The following GRAMD1B variants were observed in gnomAD, a reference collection of about 807,000 sequenced individuals.
GRAMD1B encodes the protein protein Aster-B.
Under a neutral mutation model 99.7 loss-of-function variants are expected in GRAMD1B, and 37 were observed. The observed-to-expected ratio is 0.37, with a 90% CI of 0.29 to 0.49. The LOEUF (loss-of-function observed/expected upper bound fraction) is 0.49. Among genes scored for constraint, GRAMD1B ranks in the 20% least tolerant of loss-of-function variants. The pLI, the probability that GRAMD1B is intolerant of heterozygous loss-of-function variation, is 0.98. For synonymous variants in GRAMD1B, 427 were observed against 387.6 expected (o/e 1.10, Z -1.19); for missense variants, 888 against 1,009.2 (o/e 0.88, Z 1.63).
intron 6 of GRAMD1B, 85 bp from the exon 7 acceptor site, chr11:123,595,857 C>A: frequency 1.4e-6 from 1 of 699,048 alleles, no homozygotes; most frequent in South Asian, 1.7e-5. Flanking sequence ...CCTCTGTCTA[C>A]ACTGGCGCCC....
intron 9 of GRAMD1B, among the ~76,000 whole-genome samples, chr11:123,604,496 A>G (rs1238706914): frequency 6.6e-6 from 1 of 152,216 alleles, no homozygotes; most frequent in Middle Eastern, 3.2e-3. Flanking sequence ...ACTGGCACAA[A>G]GCATGCTTGA....
intron 7 of GRAMD1B, 109 bp from the exon 8 acceptor site, chr11:123,600,359 G>C: frequency 2.9e-6 from 2 of 681,114 alleles, no homozygotes. Flanking sequence ...AGAGTCATTA[G>C]TGTTTGAGGA....
chr11:123,622,692 A>T lies in GRAMD1B; in HGVS notation c.*97A>T. 1 of 286,844 alleles carries T rather than the reference A, an allele frequency of 3.5e-6. No individual in the cohort carries two copies. The highest frequency in any genetic ancestry group is 7.6e-5 in the East Asian group (1 of 13,154). 17.8% of individuals were successfully genotyped at this position (286,844 alleles called of 1,614,324 possible). On this transcript the variant is annotated 3_prime_UTR_variant, in exon 20 of 20. Transcript: ENST00000635736. ...TAAATATATATATATACAGAATATA[A>T]ATATATATATTATATACAGATTTTA...
At chr11:123,516,961 C>T (rs1350417736) in intron 2 of GRAMD1B, among the ~76,000 whole-genome samples, 2 of 152,156 alleles carry the variant, frequency 1.3e-5, no homozygotes. Context: ...GCTCTGTCAC[C>T]CAGGCTGGAG....
chr11:123,442,480 T>A (rs1008638400), intron 1 of GRAMD1B, among the ~76,000 whole-genome samples: 1 of 152,054 alleles, frequency 6.6e-6, no homozygotes, highest in African/African-American at 2.4e-5. Context: ...ATTAAGAAAG[T>A]AAAGGAAGGC....
intron 2 of GRAMD1B, among the ~76,000 whole-genome samples, chr11:123,524,889 G>A (rs1942550278): frequency 6.6e-6 from 1 of 152,200 alleles, no homozygotes; most frequent in Non-Finnish European, 1.5e-5. Context: ...GTAATGTAGG[G>A]AAAGATAGAA....
intron 2 of GRAMD1B, among the ~76,000 whole-genome samples, chr11:123,513,358 C>G (rs1006727967): frequency 1.3e-5 from 2 of 151,998 alleles, no homozygotes; most frequent in African/African-American, 2.4e-5. Flanking sequence ...TTCTATTAGT[C>G]CACTGCATTG....
rs115344793 is a variant in GRAMD1B at position 123,594,328 on chromosome 11, C to G, written c.769+162C>G. Among the ~76,000 whole-genome samples the G allele has an allele frequency of 4.1e-3, 628 of 152,290 alleles. 4 individuals carry two copies. Among genetic ancestry groups the G allele is most frequent in the South Asian group, 0.014 (68 of 4,824 alleles). ...TGGCCCCAGCTGTCAGGGCTCGAGG[C>G]TGAGTATCAGGCTTGTGGCAGCCTC... On this transcript the variant is annotated intron_variant, in intron 5 of 19. Coordinates refer to ENST00000635736, the MANE Select transcript of GRAMD1B (RefSeq NM_001387025.1).
intron 2 of GRAMD1B, among the ~76,000 whole-genome samples, chr11:123,514,453 A>G (rs769017920): frequency 6.6e-5 from 10 of 152,172 alleles, no homozygotes; most frequent in Non-Finnish European, 1.0e-4. Flanking sequence ...TGGGATTGTC[A>G]TGAGGATTAA....
At chr11:123,428,915 G>A (rs75347948), upstream of GRAMD1B, among the ~76,000 whole-genome samples, 1,237 of 152,270 alleles carry the variant, frequency 8.1e-3, 18 homozygotes, top group African/African-American at 0.028. Context: ...GACCAGGCTG[G>A]GCATGGTGGC....
At chr11:123,552,628 A>C (rs1217623462) in intron 2 of GRAMD1B, among the ~76,000 whole-genome samples, 1 of 152,210 alleles carries the variant, frequency 6.6e-6, no homozygotes, top group East Asian at 1.9e-4. Flanking sequence ...TTAAAACCCA[A>C]AGATCAAAGG....
At chr11:123,530,236 AT>A (rs1398762108) in intron 2 of GRAMD1B, among the ~76,000 whole-genome samples, 1 of 149,648 alleles carries the variant, frequency 6.7e-6, no homozygotes, top group Non-Finnish European at 1.5e-5. Context: ...TTTCATGACC[AT>A]TAATGGTCAA....
intron 1 of GRAMD1B, among the ~76,000 whole-genome samples, chr11:123,359,503 C>T (rs1946067119): frequency 6.6e-6 from 1 of 152,024 alleles, no homozygotes; most frequent in Non-Finnish European, 1.5e-5. Flanking sequence ...AACTTGTTTG[C>T]ACCCATCAGC....
chr11:123,397,335 G>T lies in GRAMD1B; in HGVS notation c.-176+38536G>T, dbSNP rs986004285. Among the ~76,000 whole-genome samples the T allele has an allele frequency of 2.0e-5, 3 of 152,146 alleles. No homozygotes were observed. In the South Asian group the frequency reaches 6.2e-4, roughly 32 times the overall value. On this transcript the variant is annotated intron_variant, in intron 1 of 20. Transcript: ENST00000638157. ...AGGCAAGAGAATTGCTTGAACCCGG[G>T]AGTTTGCAGTGCAGTGAGCTGAGAT... is the stretch of plus-strand genomic sequence containing the variant.
chr11:123,541,827 CT>C (rs936408683), intron 2 of GRAMD1B, among the ~76,000 whole-genome samples: 4 of 151,934 alleles, frequency 2.6e-5, no homozygotes, highest in South Asian at 2.1e-4. Flanking sequence ...TATCCTATGC[CT>C]TTTTTTTGAG....
intron 1 of GRAMD1B, among the ~76,000 whole-genome samples, chr11:123,397,568 A>G (rs1947510743): frequency 6.6e-6 from 1 of 152,116 alleles, no homozygotes; most frequent in Admixed American, 6.5e-5. Context: ...CAGAGGTACA[A>G]TCATGGCTCA....
chr11:123,627,131 C>T lies in GRAMD1B; in HGVS notation c.*4536C>T, dbSNP rs1376389258. 6.6e-6 allele frequency: 1 copy of T among 152,290 alleles called. No homozygotes were observed. 9.4% of individuals were successfully genotyped at this position (152,290 alleles called of 1,614,324 possible). ...GCCAGGAGGAGCTGATGCTGACGAT[C>T]TCCCCAACATCTGAAGGCTTAAAGA... On this transcript the variant is annotated 3_prime_UTR_variant, in exon 20 of 20. Transcript: ENST00000635736.
chr11:123,566,150 T>C (rs1947346089), intron 2 of GRAMD1B, among the ~76,000 whole-genome samples: 1 of 152,148 alleles, frequency 6.6e-6, no homozygotes, highest in Admixed American at 6.5e-5. Context: ...TCTAATTAGG[T>C]TTATTCTTTA....
chr11:123,623,428 T>A lies in GRAMD1B; in HGVS notation c.*833T>A, dbSNP rs1955327040. The A allele has an allele frequency of 6.6e-6, 1 of 152,224 alleles. No homozygotes were observed. The highest frequency in any genetic ancestry group is 2.1e-4 in the South Asian group (1 of 4,832). 9.4% of individuals were successfully genotyped at this position (152,224 alleles called of 1,614,324 possible). A position where few individuals can be genotyped will look rare whatever the true frequency, so the allele number is the denominator to read the frequency against. On this transcript the variant is annotated 3_prime_UTR_variant, in exon 20 of 20. Coordinates refer to ENST00000635736, the MANE Select transcript of GRAMD1B (RefSeq NM_001387025.1). ...TGTGCCCTAAGAGCACATTGTTTAT[T>A]AGCCAGGGTGGAGCGTTTTCGACCT...
Sources: gnomAD v4.1 joint callset for allele counts (sites outside exome capture counted in the v4.1 genomes callset) on GRCh38, gnomAD v4.1.1 for gene constraint, MANE v1.5 for transcripts, NCBI Gene and HGNC (gene_info 2026-07-23, HGNC 2026-07-21) for gene names.